Variants in ULK4 observed in about 807,000 individuals in gnomAD.
ULK4 encodes inactive serine/threonine-protein kinase ULK4.
In ULK4, 133 loss-of-function variants were observed where a neutral mutation model predicts 160.6. The observed-to-expected ratio is 0.83, with a 90% CI of 0.72 to 0.96. The LOEUF (loss-of-function observed/expected upper bound fraction) is 0.96. Ranked by LOEUF, ULK4 falls within the 40% of genes least tolerant of loss-of-function variation. The pLI, the probability that ULK4 is intolerant of heterozygous loss-of-function variation, is 0.00. For synonymous variants in ULK4, 534 were observed against 539.8 expected (o/e 0.99, Z 0.15); for missense variants, 1,580 against 1,499.5 (o/e 1.05, Z -0.89).
At chr3:41,802,203 T>C (rs945857707) in intron 19 of ULK4, among the ~76,000 whole-genome samples, 12 of 152,164 alleles carry the variant, frequency 7.9e-5, no homozygotes, top group Non-Finnish European at 1.6e-4. Flanking sequence ...AAATTAAATC[T>C]ATACAAAAGA....
At chr3:41,510,703 G>A (rs894932827) in intron 32 of ULK4, among the ~76,000 whole-genome samples, 1 of 152,048 alleles carries the variant, frequency 6.6e-6, no homozygotes, top group Non-Finnish European at 1.5e-5. Context: ...GCAAATACAT[G>A]GTTATTAAAT....
intron 33 of ULK4, among the ~76,000 whole-genome samples, chr3:41,462,259 G>T (rs2083703898): frequency 6.6e-6 from 1 of 152,160 alleles, no homozygotes; most frequent in Non-Finnish European, 1.5e-5. Context: ...TGTGACTTTG[G>T]CAAGGTATCA....
At chr3:41,269,569 G>A (rs1047419414) in intron 35 of ULK4, among the ~76,000 whole-genome samples, 1 of 152,084 alleles carries the variant, frequency 6.6e-6, no homozygotes, top group African/African-American at 2.4e-5. Flanking sequence ...GAGATACTTT[G>A]GTTCATGATA....
intron 19 of ULK4, among the ~76,000 whole-genome samples, chr3:41,806,202 T>C (rs1356917784): frequency 2.0e-5 from 3 of 148,622 alleles, no homozygotes; most frequent in African/African-American, 7.6e-5. Flanking sequence ...TTCTTCCTGG[T>C]TTAGTCTTGG....
rs116943567 is a variant in ULK4, at chr3:41,371,760, G to A, written c.3678+26319C>T. 3.4e-3 allele frequency among the ~76,000 whole-genome samples: 520 copies of A among 151,946 alleles called. 2 individuals are homozygous for A. Among genetic ancestry groups the A allele is most frequent in the East Asian group, 0.015 (75 of 5,120 alleles). On this transcript the variant is annotated intron_variant, in intron 35 of 36. Coordinates refer to ENST00000301831, the MANE Select transcript of ULK4 (RefSeq NM_017886.4). ...ATTCTCCAAATGATCATAACTCCTCGCCAGTGAGGAAACAAAACTGGATGG... is the reference window on the plus strand; with the variant it reads ...ATTCTCCAAATGATCATAACTCCTCACCAGTGAGGAAACAAAACTGGATGG...
intron 35 of ULK4, among the ~76,000 whole-genome samples, chr3:41,341,227 T>C (rs2080676467): frequency 6.6e-6 from 1 of 152,198 alleles, no homozygotes; most frequent in Non-Finnish European, 1.5e-5. Flanking sequence ...CAGTTCATGT[T>C]TCAGAATAAA....
intron 30 of ULK4, among the ~76,000 whole-genome samples, chr3:41,659,853 C>CCATGCA (rs1450764445): frequency 9.9e-5 from 15 of 152,018 alleles, no homozygotes. Context: ...TATAATACAT[C>CCATGCA]CATGCAATGG....
At chr3:41,849,794 C>G (rs1042603196) in intron 17 of ULK4, among the ~76,000 whole-genome samples, 32 of 152,036 alleles carry the variant, frequency 2.1e-4, no homozygotes, top group Admixed American at 3.9e-4. Flanking sequence ...TGATGTAAAC[C>G]TAAAACTACA....
intron 25 of ULK4, among the ~76,000 whole-genome samples, chr3:41,707,112 A>AT (rs2036929985): frequency 1.3e-5 from 2 of 152,104 alleles, no homozygotes; most frequent in African/African-American, 2.4e-5. Flanking sequence ...TTCTTAAAAT[A>AT]GTTTTAACAC....
intron 21 of ULK4, among the ~76,000 whole-genome samples, chr3:41,789,138 A>G (rs147276984): frequency 1.3e-5 from 2 of 152,300 alleles, no homozygotes; most frequent in Admixed American, 6.5e-5. Context: ...ATCACTATAC[A>G]GTTCTGTGAT....
At chr3:41,727,231 T>C (rs1483574) in intron 22 of ULK4, among the ~76,000 whole-genome samples, 8,897 of 152,262 alleles carry the variant, frequency 0.058, 441 homozygotes, top group East Asian at 0.17. Context: ...GTACAATGTC[T>C]ACAGCAAAAT....
At chr3:41,807,813 T>C (rs1374585960) in intron 19 of ULK4, among the ~76,000 whole-genome samples, 2 of 152,202 alleles carry the variant, frequency 1.3e-5, no homozygotes, top group Non-Finnish European at 1.5e-5. Context: ...CCATTCCCAT[T>C]TCCTTCAATG....
In ULK4 at chr3:41,961,550, A is replaced by ACCCCCCCCCCCCCCCCCCCCCC. The variant is rs201424516; in HGVS notation, c.-49+465_-49+466insGGGGGGGGGGGGGGGGGGGGGG. ...ACTCAGGGGCGCTACGTAGTCACTC[A>ACCCCCCCCCCCCCCCCCCCCCC]CCCCCCCCCCCCCCCCCCCCGCTCC... On this transcript the variant is annotated intron_variant, in intron 1 of 36. Coordinates refer to ENST00000301831, the MANE Select transcript of ULK4 (RefSeq NM_017886.4). Among the ~76,000 whole-genome samples, 6 of 124,716 alleles carry ACCCCCCCCCCCCCCCCCCCCCC rather than the reference A, an allele frequency of 4.8e-5. 2 individuals are homozygous for ACCCCCCCCCCCCCCCCCCCCCC. Among genetic ancestry groups the ACCCCCCCCCCCCCCCCCCCCCC allele is most frequent in the African/African-American group, 2.1e-4 (5 of 23,490 alleles). 81.8% of individuals were successfully genotyped at this position (124,716 alleles called of 152,430 possible).
intron 30 of ULK4, among the ~76,000 whole-genome samples, chr3:41,652,610 T>A (rs1041142953): frequency 6.6e-6 from 1 of 152,062 alleles, no homozygotes; most frequent in Non-Finnish European, 1.5e-5. Flanking sequence ...AAACTACGAA[T>A]CAAATAGTTC....
chr3:41,706,895 A>G (rs972658323), intron 25 of ULK4, among the ~76,000 whole-genome samples: 94 of 134,258 alleles, frequency 7.0e-4, no homozygotes, highest in African/African-American at 3.1e-3. Context: ...GTGTGTATAT[A>G]TATATAGAGA....
At chr3:41,541,707 G>A (rs1391775074) in intron 32 of ULK4, among the ~76,000 whole-genome samples, 1 of 152,134 alleles carries the variant, frequency 6.6e-6, no homozygotes, top group Non-Finnish European at 1.5e-5. Context: ...ACCACCTTGA[G>A]CAGTGGTTTG....
chr3:41,274,818 T>A (rs557289257), intron 35 of ULK4, among the ~76,000 whole-genome samples: 19 of 152,322 alleles, frequency 1.2e-4, no homozygotes, highest in African/African-American at 4.6e-4. Context: ...TTTCTCTGAG[T>A]CTCATGTATC....
At chr3:41,826,480 G>T (rs1352189955) in intron 18 of ULK4, among the ~76,000 whole-genome samples, 1 of 150,984 alleles carries the variant, frequency 6.6e-6, no homozygotes, top group Non-Finnish European at 1.5e-5. Flanking sequence ...AAAGCAAATG[G>T]AAAACAAAAA....
At chr3:41,482,528 T>A (rs920446624) in intron 32 of ULK4, among the ~76,000 whole-genome samples, 2 of 152,212 alleles carry the variant, frequency 1.3e-5, no homozygotes, top group African/African-American at 4.8e-5. Context: ...CTTGCCTAAA[T>A]GAAGATATTC....
Sources: allele counts gnomAD v4.1 joint callset (sites outside exome capture counted in the v4.1 genomes callset), GRCh38; gene constraint gnomAD v4.1.1; transcripts MANE v1.5; gene names NCBI Gene and HGNC (gene_info 2026-07-23, HGNC 2026-07-21).